The following MAP4 variants were observed in gnomAD, a reference collection of about 807,000 sequenced individuals.
The protein encoded by MAP4 is microtubule associated protein 4.
In MAP4, 76 loss-of-function variants were observed where a neutral mutation model predicts 170.2. The ratio of observed to expected loss-of-function variants is 0.45; its 90% CI spans 0.37 to 0.54. The LOEUF is 0.54. MAP4 is among the 20% of genes least tolerant of loss of function. MAP4 has a pLI of 0.00. For synonymous variants in MAP4, 909 were observed against 994.5 expected, an observed-to-expected ratio of 0.91 and a Z score of 1.62; for missense variants, 2,506 against 2,748.0, an observed-to-expected ratio of 0.91 and a Z score of 1.97.
At chr3:48,032,933 T>C (rs1027328836) in intron 1 of MAP4, among the ~76,000 whole-genome samples, 1 of 152,186 alleles carries the variant, frequency 6.6e-6, no homozygotes, top group Non-Finnish European at 1.5e-5. Flanking sequence ...GAGACAACAG[T>C]GACCAAGTCT....
At chr3:47,952,393 A>G (rs1327067626) in intron 3 of MAP4, among the ~76,000 whole-genome samples, 2 of 152,198 alleles carry the variant, frequency 1.3e-5, no homozygotes, top group African/African-American at 4.8e-5. Context: ...GGTGTACCCA[A>G]CAGCTCATTG....
At chr3:47,990,724 G>T (rs1016619970) in intron 2 of MAP4, among the ~76,000 whole-genome samples, 19 of 152,042 alleles carry the variant, frequency 1.2e-4, no homozygotes, top group Admixed American at 1.2e-3. Flanking sequence ...TAAGAGAAAG[G>T]GTTCTATCTT....
intron 6 of MAP4, 36 bp from the exon 7 acceptor site, chr3:47,917,210 C>A: frequency 6.5e-7 from 1 of 1,539,034 alleles, no homozygotes; most frequent in South Asian, 1.2e-5. Context: ...ATTGTCTACT[C>A]ATACCTTTGC....
At chr3:47,985,144 G>A (rs1011361952) in intron 2 of MAP4, among the ~76,000 whole-genome samples, 7 of 151,908 alleles carry the variant, frequency 4.6e-5, no homozygotes, top group Non-Finnish European at 8.8e-5. Flanking sequence ...GCCAGGCATG[G>A]TGGTGCATGC....
Position 47,855,021 on chromosome 3 carries a change from T to C in MAP4, c.6696+227A>G. 1 of 529,680 alleles carries C rather than the reference T, an allele frequency of 1.9e-6. No homozygotes were observed. Among genetic ancestry groups the C allele is most frequent in the Non-Finnish European group, 3.4e-6 (1 of 293,250 alleles). 32.8% of individuals were successfully genotyped at this position (529,680 alleles called of 1,614,324 possible). ...AAGGCCATGGCTCTCAGGAGCAAGG[T>C]TCTGCCTCCAGCTGACAGGTGAGGG... is the stretch of plus-strand genomic sequence containing the variant. On this transcript the variant is annotated intron_variant, in intron 19 of 20. Transcript: ENST00000683076. This position sits in a 1 kb window ranked among gnomAD's most constrained non-coding sequence, Gnocchi z 5.1.
intron 2 of MAP4, among the ~76,000 whole-genome samples, chr3:47,994,758 T>G (rs2100094380): frequency 6.6e-6 from 1 of 152,188 alleles, no homozygotes; most frequent in Non-Finnish European, 1.5e-5. Context: ...GAGACCAGCC[T>G]GGCCAACAGG....
At chr3:47,892,031 C>T in intron 10 of MAP4, 1 of 1,536,200 alleles carries the variant, frequency 6.5e-7, no homozygotes, top group South Asian at 1.2e-5. Context: ...GGTCTCTAGT[C>T]CATTCTTCCC....
At chr3:48,065,046 C>T (rs2100137698) in intron 1 of MAP4, among the ~76,000 whole-genome samples, 1 of 152,164 alleles carries the variant, frequency 6.6e-6, no homozygotes, top group South Asian at 2.1e-4. Flanking sequence ...AGGAGGACTG[C>T]TTGAACCCAG....
In MAP4 at chr3:47,919,241, T is replaced by A. The variant is rs142816527; in HGVS notation, c.530-400A>T. 8.7e-3 allele frequency among the ~76,000 whole-genome samples: 1,260 copies of A among 145,146 alleles called. 8 individuals are homozygous for A. Among genetic ancestry groups the A allele is most frequent in the Non-Finnish European group, 0.014 (911 of 65,136 alleles). ...CCACCGCGCCCGGCCTAAGAGGTATTTGATATTTAAAATCAGCTGCATATA... is the reference window on the plus strand; with the variant it reads ...CCACCGCGCCCGGCCTAAGAGGTATATGATATTTAAAATCAGCTGCATATA... On this transcript the variant is annotated intron_variant, in intron 5 of 20. Coordinates refer to ENST00000683076, the MANE Select transcript of MAP4 (RefSeq NM_001385682.1).
At position 47,928,221 on chromosome 3, in the gene MAP4, C is replaced by A. The variant is rs2100047156; in HGVS notation, c.415+7G>T. On this transcript the variant is annotated splice_region_variant and intron_variant, in intron 4 of 20. Transcript: ENST00000683076. ...CATTTAGTAGTCACGAGCAAGCCAA[C>A]ACTTACCAGTCTGGATAGGATCGAC... is the stretch of plus-strand genomic sequence containing the variant. 6.2e-7 allele frequency: 1 copy of A among 1,613,948 alleles called. No individual in the cohort carries two copies. The highest frequency in any genetic ancestry group is 8.5e-7 in the Non-Finnish European group (1 of 1,179,992).
At chr3:48,003,453 CAAAAAAAA>C (rs201694525) in intron 1 of MAP4, among the ~76,000 whole-genome samples, 1 of 111,898 alleles carries the variant, frequency 8.9e-6, no homozygotes, top group East Asian at 2.6e-4. Flanking sequence ...GACTCCTTCT[CAAAAAAAA>C]AAAAAAAAAA....
intron 3 of MAP4, chr3:47,973,883 T>C (rs543323386): frequency 2.0e-6 from 2 of 985,314 alleles, no homozygotes; most frequent in Admixed American, 6.1e-5. Flanking sequence ...CAAGAGAGTT[T>C]TAATATTTTA....
intron 2 of MAP4, among the ~76,000 whole-genome samples, chr3:47,996,737 G>C (rs867040117): frequency 2.0e-5 from 3 of 146,434 alleles, no homozygotes; most frequent in Admixed American, 6.8e-5. Context: ...CAAAAACTAA[G>C]ACACACACAC....
At chr3:47,931,096 C>T (rs1277496232) in intron 3 of MAP4, among the ~76,000 whole-genome samples, 1 of 151,962 alleles carries the variant, frequency 6.6e-6, no homozygotes, top group Non-Finnish European at 1.5e-5. Flanking sequence ...GTTATCAGGC[C>T]AGGCACAATG....
intron 2 of MAP4, among the ~76,000 whole-genome samples, chr3:47,979,677 TCTCAAA>T (rs780819450): frequency 3.3e-5 from 5 of 152,090 alleles, no homozygotes; most frequent in Non-Finnish European, 7.4e-5. Flanking sequence ...GCCAAGCTGG[TCTCAAA>T]CTCTTGACCT....
intron 3 of MAP4, among the ~76,000 whole-genome samples, chr3:47,976,396 C>A (rs571854758): frequency 6.6e-6 from 1 of 152,186 alleles, no homozygotes; most frequent in Non-Finnish European, 1.5e-5. Context: ...GAAATCTACT[C>A]GTTTTTGTAG....
At chr3:48,019,119 C>T (rs925314793), upstream of MAP4, among the ~76,000 whole-genome samples, 1 of 152,184 alleles carries the variant, frequency 6.6e-6, no homozygotes, top group African/African-American at 2.4e-5. Context: ...AGGAAGACCA[C>T]TTGAGCCCAG....
chr3:47,857,580 CT>C, intron 17 of MAP4, 68 bp from the exon 18 acceptor site: 1 of 1,029,412 alleles, frequency 9.7e-7, no homozygotes, highest in East Asian at 2.4e-5. Flanking sequence ...CCCATGCTAC[CT>C]TTTAAATCTT....
At chr3:48,069,008 TATATA>T (rs1180784554) in intron 1 of MAP4, among the ~76,000 whole-genome samples, 1 of 152,216 alleles carries the variant, frequency 6.6e-6, no homozygotes, top group Non-Finnish European at 1.5e-5. Flanking sequence ...ACCTAGAAGG[TATATA>T]AATATCCGTG....
Sources: allele counts gnomAD v4.1 joint callset (sites outside exome capture counted in the v4.1 genomes callset), GRCh38; gene constraint gnomAD v4.1.1; non-coding constraint Gnocchi (gnomAD v3.1); transcripts MANE v1.5; gene names NCBI Gene and HGNC (gene_info 2026-07-23, HGNC 2026-07-21).